The following PSMD1 variants were observed in gnomAD, a reference collection of about 807,000 sequenced individuals.
PSMD1 encodes proteasome 26S subunit, non-ATPase 1, also known as 26S proteasome non-ATPase regulatory subunit 1.
A neutral mutation model predicts 119.0 loss-of-function variants in PSMD1; 18 were observed. The ratio of observed to expected loss-of-function variants is 0.15; its 90% CI spans 0.10 to 0.22. The LOEUF (loss-of-function observed/expected upper bound fraction) is 0.22. Ranked by LOEUF, PSMD1 falls within the 10% of genes least tolerant of loss-of-function variation. The probability of loss-of-function intolerance (pLI) is 1.00; values close to 1 mark genes in which losing one functional copy is unlikely to be tolerated. For missense variants in PSMD1, 702 were observed against 1,158.5 expected, an observed-to-expected ratio of 0.61 and a Z score of 5.72; for synonymous variants, 374 against 396.6, an observed-to-expected ratio of 0.94 and a Z score of 0.68.
intron 16 of PSMD1, chr2:231,108,908 G>T: frequency 6.2e-7 from 1 of 1,614,028 alleles, no homozygotes; most frequent in Non-Finnish European, 8.5e-7. Context: ...TTGGTTACAG[G>T]AATCACATAA....
chr2:231,152,005 G>A (rs1209651726), intron 18 of PSMD1, among the ~76,000 whole-genome samples: 3 of 151,792 alleles, frequency 2.0e-5, no homozygotes, highest in African/African-American at 7.3e-5. Flanking sequence ...GTAGAGACAG[G>A]GCTTCGCCAT....
At chr2:231,118,130 T>A (rs1012973807) in intron 16 of PSMD1, among the ~76,000 whole-genome samples, 1 of 152,128 alleles carries the variant, frequency 6.6e-6, no homozygotes, top group Non-Finnish European at 1.5e-5. Context: ...GGGATAATAG[T>A]ACCTGTTTTA....
intron 19 of PSMD1, among the ~76,000 whole-genome samples, chr2:231,158,619 G>C (rs1696563868): frequency 6.6e-6 from 1 of 152,202 alleles, no homozygotes; most frequent in South Asian, 2.1e-4. Context: ...TAGCACGTTA[G>C]CTAGGCATCG....
At chr2:231,118,637 A>G (rs1241551668) in intron 16 of PSMD1, among the ~76,000 whole-genome samples, 1 of 152,116 alleles carries the variant, frequency 6.6e-6, no homozygotes, top group Admixed American at 6.5e-5. Flanking sequence ...GAGGAGTTTT[A>G]CTAGAAACCC....
chr2:231,163,541 C>G (rs1696687851), intron 20 of PSMD1, 94 bp from the exon 21 acceptor site: 1 of 785,916 alleles, frequency 1.3e-6, no homozygotes, highest in African/African-American at 1.7e-5. Flanking sequence ...GAACATACAG[C>G]CTGCATTAAA....
chr2:231,108,812 T>C (rs1448379949), intron 16 of PSMD1: 2 of 1,614,068 alleles, frequency 1.2e-6, no homozygotes, highest in East Asian at 2.2e-5. Flanking sequence ...AAATGTCTTA[T>C]TGAAGAGGGT....
chr2:231,139,177 G>A (rs918711381), intron 17 of PSMD1: 5 of 368,034 alleles, frequency 1.4e-5, no homozygotes, highest in African/African-American at 8.5e-5. Flanking sequence ...TTTCATCCAG[G>A]CTGGAGTGCA....
At chr2:231,068,974 G>C (rs1157220508) in intron 5 of PSMD1, among the ~76,000 whole-genome samples, 1 of 152,136 alleles carries the variant, frequency 6.6e-6, no homozygotes, top group African/African-American at 2.4e-5. Context: ...ACAGAAATTT[G>C]TGCATAATTT....
chr2:231,160,770 T>A (rs1293253461), intron 19 of PSMD1, among the ~76,000 whole-genome samples: 1 of 152,244 alleles, frequency 6.6e-6, no homozygotes. Flanking sequence ...TAAGTCTAGA[T>A]GTGTGCTAAA....
chr2:231,153,551 C>T lies in PSMD1; in HGVS notation c.2116-13C>T. ...GTAGACTTAGACTATAATTCTTTCT[C>T]TTGCTCCTTCAGGTGAATCAGTTCA... On this transcript the variant is annotated splice_polypyrimidine_tract_variant and intron_variant, in intron 18 of 24. Transcript: ENST00000308696. 6.4e-7 allele frequency: 1 copy of T among 1,568,388 alleles called. No homozygotes were observed. The highest frequency in any genetic ancestry group is 8.8e-7 in the Non-Finnish European group (1 of 1,140,756).
Position 231,083,772 on chromosome 2 carries a change from A to T in PSMD1, c.1722+9A>T. On this transcript the variant is annotated intron_variant, in intron 14 of 24. Coordinates refer to ENST00000308696, the MANE Select transcript of PSMD1 (RefSeq NM_002807.4). ...CTCTCTGTCGTGACAAGGTGAGATCACATACGTCCCTCACTGTCCATTTAT... is the reference window on the plus strand; with the variant it reads ...CTCTCTGTCGTGACAAGGTGAGATCTCATACGTCCCTCACTGTCCATTTAT... 1.2e-6 allele frequency: 2 copies of T among 1,613,562 alleles called. No individual in the cohort carries two copies. Among genetic ancestry groups the T allele is most frequent in the Admixed American group, 1.7e-5 (1 of 59,994 alleles).
chr2:231,100,333 C>T (rs779676443), intron 16 of PSMD1, among the ~76,000 whole-genome samples: 2 of 152,150 alleles, frequency 1.3e-5, no homozygotes, highest in Non-Finnish European at 2.9e-5. Flanking sequence ...ATCCCTGACG[C>T]ACATGGCCCC....
chr2:231,058,306 A>G (rs760292880), intron 1 of PSMD1, among the ~76,000 whole-genome samples: 6 of 152,196 alleles, frequency 3.9e-5, no homozygotes, highest in East Asian at 1.9e-4. Flanking sequence ...CTGGGTTACT[A>G]TATCAGCCTT....
At chr2:231,138,666 T>C in intron 16 of PSMD1, 70 bp from the exon 17 acceptor site, 1 of 1,193,046 alleles carries the variant, frequency 8.4e-7, no homozygotes, top group Non-Finnish European at 1.2e-6. Flanking sequence ...AACAACTTGG[T>C]TAAAACTCTT....
chr2:231,154,713 C>G (rs1696448465), intron 19 of PSMD1, among the ~76,000 whole-genome samples: 1 of 152,146 alleles, frequency 6.6e-6, no homozygotes, highest in Non-Finnish European at 1.5e-5. Context: ...GAGCAGTGTT[C>G]CCACCTCGAC....
chr2:231,120,464 C>T (rs993972213), intron 16 of PSMD1, among the ~76,000 whole-genome samples: 1 of 152,158 alleles, frequency 6.6e-6, no homozygotes, highest in Admixed American at 6.5e-5. Context: ...AAAACTACAA[C>T]TGTAAAGATC....
At chr2:231,092,297 G>T (rs150295693) in intron 16 of PSMD1, among the ~76,000 whole-genome samples, 3 of 152,246 alleles carry the variant, frequency 2.0e-5, no homozygotes, top group African/African-American at 4.8e-5. Flanking sequence ...AATTAGTGAC[G>T]CATGAGGCAA....
chr2:231,161,313 G>A lies in PSMD1; in HGVS notation c.2219-27G>A, dbSNP rs545026320. On this transcript the variant is annotated intron_variant, in intron 19 of 24. Coordinates refer to ENST00000308696, the MANE Select transcript of PSMD1 (RefSeq NM_002807.4). ...ATAATAATAGGACAATACTATTATT[G>A]TTCATGGTTTCTCTCTTTTTCTACA... 1.9e-6 allele frequency: 3 copies of A among 1,550,142 alleles called. No homozygotes were observed. In the East Asian group the frequency reaches 6.8e-5, roughly 35 times the overall value.
At chr2:231,153,377 A>T in intron 18 of PSMD1, 187 bp from the exon 19 acceptor site, 1 of 546,012 alleles carries the variant, frequency 1.8e-6, no homozygotes, top group Non-Finnish European at 3.2e-6. Flanking sequence ...TCCCACACTA[A>T]AAAGTCATAA....
Sources: allele counts gnomAD v4.1 joint callset (sites outside exome capture counted in the v4.1 genomes callset), GRCh38; gene constraint gnomAD v4.1.1; transcripts MANE v1.5; gene names NCBI Gene and HGNC (gene_info 2026-07-23, HGNC 2026-07-21).